ALK: variants seen among roughly 807,000 people sequenced by gnomAD.
ALK encodes the protein ALK receptor tyrosine kinase.
Under a neutral mutation model 163.1 loss-of-function variants are expected in ALK, and 74 were observed. The ratio of observed to expected loss-of-function variants is 0.45; its 90% confidence interval spans 0.38 to 0.55. ALK has a LOEUF of 0.55. Among genes scored for constraint, ALK ranks in the 20% least tolerant of loss-of-function variants. The pLI is 0.00. For missense variants in ALK, 2,063 were observed against 2,105.3 expected (o/e 0.98, Z 0.39); for synonymous variants, 960 against 843.2 (o/e 1.14, Z -2.40).
intron 19 of ALK, chr2:29,224,650 T>A (rs936783808): frequency 1.8e-5 from 4 of 224,418 alleles, no homozygotes; most frequent in Non-Finnish European, 3.6e-5. Flanking sequence ...CTCTATGCAA[T>A]GGACCGACCG....
At chr2:29,883,263 C>A (rs1666910616) in intron 1 of ALK, among the ~76,000 whole-genome samples, 1 of 152,256 alleles carries the variant, frequency 6.6e-6, no homozygotes, top group Admixed American at 6.5e-5. Flanking sequence ...CAAGCCTGTG[C>A]TAACTCCAGC....
At chr2:29,776,055 A>G (rs1681166867) in intron 1 of ALK, among the ~76,000 whole-genome samples, 2 of 152,196 alleles carry the variant, frequency 1.3e-5, no homozygotes, top group Non-Finnish European at 2.9e-5. Flanking sequence ...TGATGGTACT[A>G]CAAGCCTTTT....
At chr2:29,417,149 G>A (rs1251572391) in intron 4 of ALK, among the ~76,000 whole-genome samples, 3 of 151,686 alleles carry the variant, frequency 2.0e-5, no homozygotes, top group South Asian at 4.2e-4. Context: ...CACCATGCCC[G>A]GCTAATTTTT....
At chr2:29,416,910 C>G (rs1204884835) in intron 4 of ALK, among the ~76,000 whole-genome samples, 1 of 148,018 alleles carries the variant, frequency 6.8e-6, no homozygotes, top group Non-Finnish European at 1.5e-5. Flanking sequence ...TCATATATGG[C>G]ATGTAGTCAA....
chr2:29,737,796 C>T (rs1679935343), intron 1 of ALK, among the ~76,000 whole-genome samples: 1 of 152,038 alleles, frequency 6.6e-6, no homozygotes, highest in Admixed American at 6.5e-5. Flanking sequence ...CCCTGAGTCT[C>T]CACCACTAGG....
In ALK at chr2:29,850,899, G is replaced by A. The variant is rs538885280; in HGVS notation, c.667+69094C>T. On this transcript the variant is annotated intron_variant, in intron 1 of 28. Transcript: ENST00000389048. ...ACCCTCTAAGCCACTGCCACAACCA[G>A]CCCTGCCCCCGGGGGACTTAACCTG... Among the ~76,000 whole-genome samples, 3 of 152,266 alleles carry A rather than the reference G, an allele frequency of 2.0e-5. No individual in the cohort carries two copies. The East Asian group carries it at 5.8e-4, about 29-fold the overall frequency.
intron 8 of ALK, among the ~76,000 whole-genome samples, chr2:29,317,807 C>G (rs1666877699): frequency 2.1e-5 from 1 of 47,788 alleles, no homozygotes; most frequent in Non-Finnish European, 7.7e-5. Context: ...GAACAGGGCG[C>G]CAGTCCCTCC....
intron 9 of ALK, chr2:29,286,476 T>C (rs1665860871): frequency 6.6e-6 from 1 of 152,142 alleles, no homozygotes; most frequent in Non-Finnish European, 1.5e-5. Context: ...TCCCAATATG[T>C]CATCTGTGAA....
At chr2:29,737,527 C>T (rs546738604) in intron 1 of ALK, among the ~76,000 whole-genome samples, 1 of 152,190 alleles carries the variant, frequency 6.6e-6, no homozygotes, top group East Asian at 1.9e-4. Context: ...TCTTAAGTGA[C>T]ATCACGAGAA....
intron 9 of ALK, among the ~76,000 whole-genome samples, chr2:29,280,960 C>G (rs528664927): frequency 6.6e-6 from 1 of 152,108 alleles, no homozygotes; most frequent in African/African-American, 2.4e-5. Context: ...ACCAGGTGAA[C>G]CACTCTCGGA....
chr2:29,286,539 C>T (rs1270083360), intron 9 of ALK: 1 of 152,166 alleles, frequency 6.6e-6, no homozygotes, highest in East Asian at 1.9e-4. Flanking sequence ...AATACGTTTT[C>T]CAGGTGATCA....
chr2:29,468,847 C>T (rs1573379865), intron 4 of ALK, among the ~76,000 whole-genome samples: 1 of 106,418 alleles, frequency 9.4e-6, no homozygotes, highest in East Asian at 3.1e-4. Context: ...GAGTGAGACC[C>T]TGCCTCAAAA....
intron 5 of ALK, among the ~76,000 whole-genome samples, chr2:29,343,580 G>A (rs1667863724): frequency 6.6e-6 from 1 of 152,108 alleles, no homozygotes; most frequent in African/African-American, 2.4e-5. Flanking sequence ...GAAATGATGG[G>A]GTTGGACCAG....
At chr2:29,259,459 C>A (rs894462851) in intron 11 of ALK, among the ~76,000 whole-genome samples, 1 of 151,896 alleles carries the variant, frequency 6.6e-6, no homozygotes, top group South Asian at 2.1e-4. Flanking sequence ...TTTCGTTGTC[C>A]GAAGCTTGTT....
rs1370411950 is a variant in ALK, at chr2:29,262,596, T to C, written c.2042-11329A>G. Among the ~76,000 whole-genome samples the C allele has an allele frequency of 3.9e-5, 6 of 152,238 alleles. No individual in the cohort carries two copies. In the East Asian group the frequency reaches 1.2e-3, roughly 29 times the overall value. On this transcript the variant is annotated intron_variant, in intron 11 of 28. Coordinates refer to ENST00000389048, the MANE Select transcript of ALK (RefSeq NM_004304.5). ...TACTGTTACACTGTTGTTTCCTTGC[T>C]CCAGACACAGTTTCTCTAGACAGGC...
intron 1 of ALK, among the ~76,000 whole-genome samples, chr2:29,836,947 T>C (rs1455621633): frequency 6.6e-6 from 1 of 152,200 alleles, no homozygotes; most frequent in Non-Finnish European, 1.5e-5. Flanking sequence ...GCAAACATTT[T>C]TGAAACTAAA....
intron 1 of ALK, among the ~76,000 whole-genome samples, chr2:29,813,244 G>A (rs997822115): frequency 4.6e-5 from 7 of 152,150 alleles, no homozygotes; most frequent in Admixed American, 6.5e-5. Context: ...GTTCCGCACT[G>A]TGCCAGGCAC....
chr2:29,697,991 GA>G (rs1428204656), intron 2 of ALK, among the ~76,000 whole-genome samples: 1 of 152,238 alleles, frequency 6.6e-6, no homozygotes, highest in Non-Finnish European at 1.5e-5. Flanking sequence ...TAGGAGAAAA[GA>G]AAAAAATCCT....
chr2:29,736,111 T>A (rs1054878998), intron 1 of ALK, among the ~76,000 whole-genome samples: 3 of 152,092 alleles, frequency 2.0e-5, no homozygotes, highest in Non-Finnish European at 4.4e-5. Context: ...TCAAACTCTA[T>A]ATATGTAGTT....
Sources: allele counts gnomAD v4.1 joint callset (sites outside exome capture counted in the v4.1 genomes callset), GRCh38; gene constraint gnomAD v4.1.1; transcripts MANE v1.5; gene names NCBI Gene and HGNC (gene_info 2026-07-23, HGNC 2026-07-21).